Variants in COL5A2 observed in about 807,000 individuals in gnomAD.
The protein encoded by COL5A2 is collagen alpha-2(V) chain.
A neutral mutation model predicts 208.2 loss-of-function variants in COL5A2; 23 were observed. The ratio of observed to expected loss-of-function variants is 0.11; its 90% CI spans 0.08 to 0.16. The LOEUF (loss-of-function observed/expected upper bound fraction) is 0.16, where lower values mean the gene tolerates loss of function less well. Ranked by LOEUF, COL5A2 falls within the 10% of genes least tolerant of loss-of-function variation. COL5A2 has a pLI of 1.00. For synonymous variants in COL5A2, 625 were observed against 628.5 expected (o/e 0.99, Z 0.08); for missense variants, 1,590 against 1,956.4 (o/e 0.81, Z 3.53).
intron 1 of COL5A2, among the ~76,000 whole-genome samples, chr2:189,218,721 T>A (rs2105876202): frequency 6.6e-6 from 1 of 152,278 alleles, no homozygotes; most frequent in Non-Finnish European, 1.5e-5. Flanking sequence ...GGAAAATTCT[T>A]CCAGTCATCA....
the COL5A2 span, among the ~76,000 whole-genome samples, chr2:189,231,894 G>T: frequency 1.6e-4 from 25 of 151,786 alleles, no homozygotes; most frequent in East Asian, 4.7e-3. Context: ...ATCTTCCTGG[G>T]AAAGCTGAGG....
chr2:189,384,439 A>G, the COL5A2 span, among the ~76,000 whole-genome samples: 1 of 152,258 alleles, frequency 6.6e-6, no homozygotes. Context: ...CTTTTTGATA[A>G]AAGCCATTTT....
the COL5A2 span, among the ~76,000 whole-genome samples, chr2:189,401,729 G>A: frequency 6.6e-5 from 10 of 152,128 alleles, no homozygotes; most frequent in Non-Finnish European, 1.2e-4. Flanking sequence ...AGCATCTGTT[G>A]TCTTTTGACT....
chr2:189,374,705 G>T, the COL5A2 span, among the ~76,000 whole-genome samples: 1 of 152,132 alleles, frequency 6.6e-6, no homozygotes, highest in South Asian at 2.1e-4. Flanking sequence ...TGAATATACT[G>T]TTGCATCTTA....
At chr2:189,083,390 CTA>C (rs1686579712) in intron 12 of COL5A2, among the ~76,000 whole-genome samples, 1 of 152,044 alleles carries the variant, frequency 6.6e-6, no homozygotes, top group Non-Finnish European at 1.5e-5. Context: ...AAGAAAACAG[CTA>C]TGTTAGGAGA....
chr2:189,378,758 T>C, the COL5A2 span, among the ~76,000 whole-genome samples: 6,574 of 151,152 alleles, frequency 0.043, 176 homozygotes, highest in African/African-American at 0.064. Flanking sequence ...AATGCTGACA[T>C]TGCAGATACT....
At chr2:189,323,305 T>C in the COL5A2 span, among the ~76,000 whole-genome samples, 1 of 152,146 alleles carries the variant, frequency 6.6e-6, no homozygotes, top group Non-Finnish European at 1.5e-5. Flanking sequence ...AACATAGTGT[T>C]GGAAGTTCTG....
chr2:189,157,183 A>ATATC (rs139611336), intron 1 of COL5A2, among the ~76,000 whole-genome samples: 1 of 98,404 alleles, frequency 1.0e-5, no homozygotes. Context: ...CTATATATAT[A>ATATC]GCTTAGCACA....
At chr2:189,324,769 G>A in the COL5A2 span, among the ~76,000 whole-genome samples, 1 of 152,128 alleles carries the variant, frequency 6.6e-6, no homozygotes, top group African/African-American at 2.4e-5. Context: ...TGATTCCTCA[G>A]GGATCTAGAA....
intron 27 of COL5A2, 22 bp from the exon 28 acceptor site, chr2:189,063,085 T>C (rs544901259): frequency 2.4e-5 from 38 of 1,613,952 alleles, no homozygotes; most frequent in Non-Finnish European, 3.1e-5. Flanking sequence ...ATGAAACTTT[T>C]GTATAATTCC....
intron 52 of COL5A2, 53 bp from the exon 53 acceptor site, chr2:189,035,208 C>A (rs1685420325): frequency 1.9e-6 from 3 of 1,608,750 alleles, no homozygotes; most frequent in Non-Finnish European, 2.6e-6. Context: ...TTTCATAATG[C>A]CTTACACATG....
chr2:189,363,031 A>T, the COL5A2 span, among the ~76,000 whole-genome samples: 1 of 152,134 alleles, frequency 6.6e-6, no homozygotes, highest in Non-Finnish European at 1.5e-5. Flanking sequence ...GAAATACAGA[A>T]TTTAAATAGA....
At chr2:189,272,747 T>C in the COL5A2 span, among the ~76,000 whole-genome samples, 1 of 152,144 alleles carries the variant, frequency 6.6e-6, no homozygotes, top group Non-Finnish European at 1.5e-5. Flanking sequence ...ATACTCAAGT[T>C]TTTTAGATTT....
chr2:189,381,101 A>C, the COL5A2 span, among the ~76,000 whole-genome samples: 1 of 152,212 alleles, frequency 6.6e-6, no homozygotes, highest in Admixed American at 6.5e-5. Flanking sequence ...ATTATATTAC[A>C]TTGAGTAAAA....
At chr2:189,269,454 T>C in the COL5A2 span, among the ~76,000 whole-genome samples, 83 of 152,242 alleles carry the variant, frequency 5.5e-4, no homozygotes, top group African/African-American at 2.0e-3. Context: ...TGAAAGCGCG[T>C]TGAATTTTAT....
At chr2:189,255,370 T>A in the COL5A2 span, among the ~76,000 whole-genome samples, 1 of 152,222 alleles carries the variant, frequency 6.6e-6, no homozygotes, top group Admixed American at 6.5e-5. Flanking sequence ...AGGGTGATTT[T>A]AATGCCATCT....
chr2:189,225,074 T>C (rs1689396285), intron 1 of COL5A2, among the ~76,000 whole-genome samples: 1 of 152,156 alleles, frequency 6.6e-6, no homozygotes. Flanking sequence ...AGAGATATTA[T>C]GGGGTATATA....
chr2:189,266,993 T>C, the COL5A2 span, among the ~76,000 whole-genome samples: 1 of 151,378 alleles, frequency 6.6e-6, no homozygotes, highest in Non-Finnish European at 1.5e-5. Flanking sequence ...AATATACATA[T>C]AATATTAATA....
At chr2:189,063,866 G>A (rs1003557736) in intron 26 of COL5A2, 114 bp downstream of exon 26, 26 of 829,080 alleles carry the variant, frequency 3.1e-5, no homozygotes, top group African/African-American at 5.1e-5. Context: ...GTACAAATAT[G>A]TCAATATGAC....
Sources: allele counts gnomAD v4.1 joint callset (sites outside exome capture counted in the v4.1 genomes callset), GRCh38; gene constraint gnomAD v4.1.1; transcripts MANE v1.5; gene names NCBI Gene and HGNC (gene_info 2026-07-23, HGNC 2026-07-21).